Variants in RBPJ observed in about 807,000 individuals in gnomAD.
The protein encoded by RBPJ is recombining binding protein suppressor of hairless.
A neutral mutation model predicts 67.8 loss-of-function variants in RBPJ; 9 were observed. The observed-to-expected ratio is 0.13, with a 90% confidence interval of 0.08 to 0.23. The LOEUF is 0.23. Ranked by LOEUF, RBPJ falls within the 10% of genes least tolerant of loss-of-function variation. RBPJ has a pLI of 1.00. For synonymous variants in RBPJ, 198 were observed against 203.3 expected (o/e 0.97, Z 0.22); for missense variants, 305 against 595.6 (o/e 0.51, Z 5.08).
chr4:26,322,082 G>C (rs1352590293), intron 1 of RBPJ: 1 of 152,002 alleles, frequency 6.6e-6, no homozygotes, highest in Non-Finnish European at 1.5e-5. Flanking sequence ...CTGGTCTCTT[G>C]GTGGTTCTTG....
intron 2 of RBPJ, among the ~76,000 whole-genome samples, chr4:26,404,809 C>T (rs1046167439): frequency 1.3e-4 from 20 of 152,144 alleles, no homozygotes; most frequent in African/African-American, 3.4e-4. Flanking sequence ...GGCCCTGTAA[C>T]GCCTTATGCT....
chr4:26,169,268 T>C (rs961013162), intron 1 of RBPJ, among the ~76,000 whole-genome samples: 60 of 152,248 alleles, frequency 3.9e-4, no homozygotes, highest in Admixed American at 2.4e-3. Flanking sequence ...GTCCTTTCTG[T>C]TTGTTAGTTT....
chr4:26,416,394 C>T (rs1341592322), intron 4 of RBPJ, among the ~76,000 whole-genome samples: 1 of 151,978 alleles, frequency 6.6e-6, no homozygotes, highest in Non-Finnish European at 1.5e-5. Context: ...GTCCAGCTAA[C>T]TTTTTTGTAT....
intron 1 of RBPJ, among the ~76,000 whole-genome samples, chr4:26,268,167 G>A (rs1049742321): frequency 4.6e-5 from 7 of 152,096 alleles, no homozygotes; most frequent in East Asian, 1.9e-4. Flanking sequence ...CCCATGTTAC[G>A]ATTTAGCTTA....
At chr4:26,373,815 C>T (rs541618508) in intron 1 of RBPJ, among the ~76,000 whole-genome samples, 169 of 152,054 alleles carry the variant, frequency 1.1e-3, no homozygotes, top group Non-Finnish European at 1.8e-3. Context: ...TATGTGCACA[C>T]ACAAGTGTCT....
At chr4:26,253,032 G>A (rs1345034513) in intron 1 of RBPJ, among the ~76,000 whole-genome samples, 1 of 152,156 alleles carries the variant, frequency 6.6e-6, no homozygotes, top group Non-Finnish European at 1.5e-5. Flanking sequence ...AAGCATCTGG[G>A]TTATCTTAGG....
At chr4:26,398,061 C>T (rs370731583) in intron 2 of RBPJ, among the ~76,000 whole-genome samples, 5 of 131,128 alleles carry the variant, frequency 3.8e-5, no homozygotes, top group African/African-American at 1.0e-4. Context: ...AAAATGTTCA[C>T]GAGTGATATT....
chr4:26,247,727 A>C (rs1577355883), intron 1 of RBPJ, among the ~76,000 whole-genome samples: 1 of 152,290 alleles, frequency 6.6e-6, no homozygotes, highest in Non-Finnish European at 1.5e-5. Context: ...TACTATTTTT[A>C]AAGAATTTAC....
At chr4:26,132,146 G>A in the RBPJ span, among the ~76,000 whole-genome samples, 1 of 151,954 alleles carries the variant, frequency 6.6e-6, no homozygotes, top group South Asian at 2.1e-4. Context: ...AAAAAAAAAA[G>A]TTTGAAGGTC....
At chr4:26,109,009 C>G in the RBPJ span, among the ~76,000 whole-genome samples, 1 of 152,026 alleles carries the variant, frequency 6.6e-6, no homozygotes, top group Non-Finnish European at 1.5e-5. Flanking sequence ...AGCTCCACAC[C>G]CAGGCTGATC....
intron 1 of RBPJ, chr4:26,362,299 A>G (rs1288849869): frequency 3.0e-6 from 1 of 331,318 alleles, no homozygotes; most frequent in African/African-American, 2.1e-5. Context: ...TTCCTCATTC[A>G]TATGAGGGTT....
At chr4:26,381,149 GC>G (rs765678490) in intron 1 of RBPJ, among the ~76,000 whole-genome samples, 100 of 149,596 alleles carry the variant, frequency 6.7e-4, no homozygotes, top group Non-Finnish European at 1.1e-3. Flanking sequence ...GCATCTGTTA[GC>G]CAGAAAAGGT....
rs1481340291 is a variant in RBPJ at position 26,284,773 on chromosome 4, CTT to C, written c.-166-77669_-166-77668del. On this transcript the variant is annotated intron_variant, in intron 1 of 4. Transcript: ENST00000512351. ...GAGTCACTGTGCCCCCGGCTGAACT[CTT>C]TTTAAAGTCTTTTGTTTGAGATTAA... Among the ~76,000 whole-genome samples, 5 of 151,772 alleles carry C rather than the reference CTT, an allele frequency of 3.3e-5. No individual in the cohort carries two copies. In the East Asian group the frequency reaches 9.8e-4, roughly 30 times the overall value.
At chr4:26,353,909 G>A (rs192467898) in intron 1 of RBPJ, among the ~76,000 whole-genome samples, 1 of 151,612 alleles carries the variant, frequency 6.6e-6, no homozygotes, top group Non-Finnish European at 1.5e-5. Context: ...ACTGTGCCCT[G>A]CCACAGTATT....
intron 1 of RBPJ, among the ~76,000 whole-genome samples, chr4:26,220,256 A>T (rs1227806128): frequency 6.6e-6 from 1 of 152,168 alleles, no homozygotes; most frequent in Non-Finnish European, 1.5e-5. Context: ...AGAAATTTAT[A>T]TTGTACCTGC....
intron 1 of RBPJ, among the ~76,000 whole-genome samples, chr4:26,197,334 C>A (rs1717804980): frequency 6.6e-6 from 1 of 152,168 alleles, no homozygotes; most frequent in Non-Finnish European, 1.5e-5. Flanking sequence ...ATAACACAGG[C>A]TGGACCTCTG....
chr4:26,249,006 AG>A (rs1317561522), intron 1 of RBPJ, among the ~76,000 whole-genome samples: 1 of 152,234 alleles, frequency 6.6e-6, no homozygotes, highest in African/African-American at 2.4e-5. Flanking sequence ...CAGTTTTTCA[AG>A]GTTTCAAAAT....
intron 2 of RBPJ, among the ~76,000 whole-genome samples, chr4:26,388,329 T>C (rs940557617): frequency 1.3e-5 from 2 of 152,156 alleles, no homozygotes; most frequent in Admixed American, 1.3e-4. Context: ...GTGTTCTATA[T>C]GTCCAAGATG....
intron 2 of RBPJ, among the ~76,000 whole-genome samples, chr4:26,400,951 A>G (rs1260975494): frequency 6.6e-6 from 1 of 152,216 alleles, no homozygotes; most frequent in Non-Finnish European, 1.5e-5. Context: ...GTACTTGCAA[A>G]ATTTGTGCTT....
Sources: gnomAD v4.1 joint callset for allele counts (sites outside exome capture counted in the v4.1 genomes callset) on GRCh38, gnomAD v4.1.1 for gene constraint, MANE v1.5 for transcripts, NCBI Gene and HGNC (gene_info 2026-07-23, HGNC 2026-07-21) for gene names.